RNASET2: variants seen among roughly 807,000 people sequenced by gnomAD.
The protein encoded by RNASET2 is ribonuclease T2.
RNASET2 carries 28 observed loss-of-function variants against 33.9 expected under a neutral mutation model. That is an observed-to-expected ratio of 0.83 (90% CI 0.61 to 1.13). RNASET2 has a LOEUF of 1.13. Ranked by LOEUF, RNASET2 falls within the 50% of genes most tolerant of loss-of-function variation. The pLI is 0.00. For synonymous variants in RNASET2, 123 were observed against 121.0 expected (o/e 1.02, Z -0.11); for missense variants, 330 against 319.9 (o/e 1.03, Z -0.24).
intron 4 of RNASET2, among the ~76,000 whole-genome samples, chr6:166,946,428 C>T (rs756767605): frequency 2.6e-5 from 4 of 152,186 alleles, no homozygotes; most frequent in South Asian, 2.1e-4. Context: ...TTGCTCCGGT[C>T]GGAGCCCCTC....
chr6:166,932,383 C>T (rs1432863183), intron 7 of RNASET2: 1 of 152,886 alleles, frequency 6.5e-6, no homozygotes, highest in Non-Finnish European at 1.5e-5. Context: ...CCGGCCCCTT[C>T]CCAACCCTCC....
chr6:166,955,231 G>GCACA (rs1253223693), intron 1 of RNASET2, among the ~76,000 whole-genome samples: 49 of 58,190 alleles, frequency 8.4e-4, no homozygotes, highest in African/African-American at 3.5e-3. Context: ...GCGCACACAC[G>GCACA]CACGCACGCA....
At chr6:166,952,633 A>C in intron 1 of RNASET2, 85 bp from the exon 2 acceptor site, 1 of 1,026,234 alleles carries the variant, frequency 9.7e-7, no homozygotes, top group Non-Finnish European at 1.5e-6. Flanking sequence ...CCCTTCAATC[A>C]TTCATTCAGC....
Position 166,926,145 on chromosome 6 carries a change from T to G in RNASET2, c.*3443A>C, listed in dbSNP as rs1036440036. Among the ~76,000 whole-genome samples the G allele has an allele frequency of 6.6e-6, 1 of 152,048 alleles. No homozygotes were observed. Among genetic ancestry groups the G allele is most frequent in the South Asian group, 2.1e-4 (1 of 4,822 alleles). On this transcript the variant is annotated 3_prime_UTR_variant, in exon 9 of 9. Transcript: ENST00000508775. Reference sequence around the variant, plus strand: ...GAATACTTTCACAATTTAGGCAAAATTTTTTTAAAAAGTTTCCAGTTCACT... The same window carrying G: ...GAATACTTTCACAATTTAGGCAAAAGTTTTTTAAAAAGTTTCCAGTTCACT...
chr6:166,946,127 G>A (rs753875694), intron 4 of RNASET2, among the ~76,000 whole-genome samples: 8 of 152,178 alleles, frequency 5.3e-5, no homozygotes, highest in Non-Finnish European at 1.0e-4. Flanking sequence ...TCAAAGGAAC[G>A]CCTCTGCTAG....
chr6:166,956,162 G>A lies in RNASET2; in HGVS notation c.21C>T (p.Arg7=), dbSNP rs12193095. 102,517 of 1,549,904 alleles carry A rather than the reference G, an allele frequency of 0.066. 3,978 individuals carry two copies. The highest frequency in any genetic ancestry group is 0.078 in the Non-Finnish European group (89,514 of 1,146,534). Residue 7 remains arginine (R), a synonymous_variant, in exon 1 of 9, where the codon CGC becomes CGT. Coordinates refer to ENST00000508775, the MANE Select transcript of RNASET2 (RefSeq NM_003730.6). The part of the protein sequence containing the change: MRPAAL[R]GALLGCLCLA... ...GGCAGAGGCAGCCCAGCAGGGCCCC[G>A]CGCAGGGCTGCAGGGCGCATGGTGC...
At position 166,955,331 on chromosome 6, in the gene RNASET2, GCACGCA is replaced by G. The variant is rs1174598113; in HGVS notation, c.86+760_86+765del. Among the ~76,000 whole-genome samples the G allele has an allele frequency of 7.5e-3, 381 of 50,662 alleles. 14 individuals are homozygous for G. In the East Asian group the frequency reaches 0.076, roughly 10 times the overall value. 33.2% of individuals were successfully genotyped at this position (50,662 alleles called of 152,430 possible). A position where few individuals can be genotyped will look rare whatever the true frequency, so the allele number is the denominator to read the frequency against. ...ACGACACACACGCACACACACGCAC[GCACGCA>G]CACGCACACGCACGCACACACACAC... On this transcript the variant is annotated intron_variant, in intron 1 of 8. Transcript: ENST00000508775.
chr6:166,956,269 C>T lies in RNASET2; in HGVS notation c.-87G>A. 5 of 1,282,964 alleles carry T rather than the reference C, an allele frequency of 3.9e-6. No individual in the cohort carries two copies. The South Asian group carries it at 5.1e-5, about 13-fold the overall frequency. The allele number at this position is 1,282,964 out of a possible 1,614,324, so 79.5% of individuals were successfully genotyped here. ...GCCCGAGGAAGACTTCCGGGAGAAA[C>T]GCTGTCTCCGAGCCCCCGCGCCGCC... On this transcript the variant is annotated 5_prime_UTR_variant, in exon 1 of 9. Transcript: ENST00000508775.
intron 6 of RNASET2, among the ~76,000 whole-genome samples, chr6:166,937,622 G>A (rs184440169): frequency 1.2e-4 from 19 of 152,256 alleles, no homozygotes; most frequent in Admixed American, 1.2e-3. Context: ...ACGTTTCTTA[G>A]TGTATATACC....
intron 7 of RNASET2, chr6:166,931,567 G>A (rs57757562): frequency 6.3e-4 from 128 of 203,430 alleles, no homozygotes; most frequent in African/African-American, 2.9e-3. Flanking sequence ...CTCCTTCACA[G>A]AAGAAAGGCC....
Position 166,929,762 on chromosome 6 carries a change from T to C in RNASET2, c.597A>G (p.Ile199Met). ...QDEEVQTIGQ[I>M]ELCLTKQDQQ... Reference sequence around the variant, plus strand: ...GGTCTTGCTTAGTGAGGCACAGTTCTATCTGACCAATTGTCTGTACTTCCT... The same window carrying C: ...GGTCTTGCTTAGTGAGGCACAGTTCCATCTGACCAATTGTCTGTACTTCCT... Residue 199 changes from isoleucine (I) to methionine (M), a missense_variant, in exon 9 of 9, where the codon ATA becomes ATG. Coordinates refer to ENST00000508775, the MANE Select transcript of RNASET2 (RefSeq NM_003730.6). 1.2e-6 allele frequency: 2 copies of C among 1,614,190 alleles called. No individual in the cohort carries two copies. Among genetic ancestry groups the C allele is most frequent in the Non-Finnish European group, 1.7e-6 (2 of 1,180,036 alleles).
In RNASET2 at chr6:166,933,676, A is replaced by G. The variant is rs1778499776; in HGVS notation, c.492+415T>C. 1 of 206,644 alleles carries G rather than the reference A, an allele frequency of 4.8e-6. No homozygotes were observed. Among genetic ancestry groups the G allele is most frequent in the Admixed American group, 5.5e-5 (1 of 18,218 alleles). The allele number at this position is 206,644 out of a possible 1,614,324, so 12.8% of individuals were successfully genotyped here. On this transcript the variant is annotated intron_variant, in intron 7 of 8. Transcript: ENST00000508775. This position sits in a 1 kb window ranked among gnomAD's most constrained non-coding sequence, Gnocchi z 4.1. ...AAAAAGCAACTTTTTGTATATGCTTACCAGCTAATAACATCTTGTCATGCT... is the reference window on the plus strand; with the variant it reads ...AAAAAGCAACTTTTTGTATATGCTTGCCAGCTAATAACATCTTGTCATGCT...
intron 5 of RNASET2, among the ~76,000 whole-genome samples, chr6:166,942,631 T>A (rs1778718373): frequency 6.6e-6 from 1 of 151,602 alleles, no homozygotes; most frequent in East Asian, 2.0e-4. Flanking sequence ...TTGGTAGAGG[T>A]GGCATTTTGT....
At chr6:166,950,100 C>T (rs1298452088) in intron 2 of RNASET2, among the ~76,000 whole-genome samples, 2 of 152,216 alleles carry the variant, frequency 1.3e-5, no homozygotes, top group East Asian at 3.8e-4. Flanking sequence ...GACACACCCA[C>T]GTTTTGTCAT....
intron 5 of RNASET2, among the ~76,000 whole-genome samples, chr6:166,939,257 C>T (rs1458027717): frequency 6.6e-6 from 1 of 152,068 alleles, no homozygotes; most frequent in Non-Finnish European, 1.5e-5. Context: ...CGCTTGAACC[C>T]GGGAGGCAGA....
At chr6:166,937,553 T>G (rs1186410788) in intron 6 of RNASET2, among the ~76,000 whole-genome samples, 1 of 152,210 alleles carries the variant, frequency 6.6e-6, no homozygotes, top group Non-Finnish European at 1.5e-5. Flanking sequence ...TAAGATTAAA[T>G]TACATAGATC....
At chr6:166,944,649 G>A (rs1047441835) in intron 4 of RNASET2, among the ~76,000 whole-genome samples, 2 of 151,976 alleles carry the variant, frequency 1.3e-5, no homozygotes, top group African/African-American at 2.4e-5. Context: ...GAGGAGCAGC[G>A]GCTCACACCA....
intron 1 of RNASET2, 109 bp from the exon 2 acceptor site, chr6:166,952,657 G>A (rs772571753): frequency 4.2e-5 from 36 of 858,114 alleles, no homozygotes; most frequent in African/African-American, 8.4e-5. Context: ...GAGTGCTGTG[G>A]GAGGAGGAAC....
chr6:166,950,042 C>T lies in RNASET2; in HGVS notation c.148-1417G>A, dbSNP rs1390828495. Among the ~76,000 whole-genome samples the T allele has an allele frequency of 3.3e-5, 5 of 152,176 alleles. No individual in the cohort carries two copies. The East Asian group carries it at 9.6e-4, about 29-fold the overall frequency. On this transcript the variant is annotated intron_variant, in intron 2 of 8. Coordinates refer to ENST00000508775, the MANE Select transcript of RNASET2 (RefSeq NM_003730.6). ...TTTTTTTAAATCTTGTTTCTAAAGC[C>T]TCAAGGCAAAGATGTGCCTCCACCC...
Sources: gnomAD v4.1 joint callset for allele counts (sites outside exome capture counted in the v4.1 genomes callset) on GRCh38, gnomAD v4.1.1 for gene constraint, Gnocchi (gnomAD v3.1) non-coding constraint, MANE v1.5 for transcripts, NCBI Gene and HGNC (gene_info 2026-07-23, HGNC 2026-07-21) for gene names.